The following TEAD1 variants were observed in gnomAD, a reference collection of about 807,000 sequenced individuals.
The protein encoded by TEAD1 is TEA domain transcription factor 1.
TEAD1 carries 9 observed loss-of-function variants against 54.9 expected under a neutral mutation model. That is an observed-to-expected ratio of 0.16 (90% CI 0.10 to 0.29). The LOEUF (loss-of-function observed/expected upper bound fraction) is 0.29. Among genes scored for constraint, TEAD1 ranks in the 10% least tolerant of loss-of-function variants. The probability of loss-of-function intolerance (pLI) is 1.00; values close to 1 mark genes in which losing one functional copy is unlikely to be tolerated. For synonymous variants in TEAD1, 200 were observed against 187.8 expected (o/e 1.07, Z -0.53); for missense variants, 387 against 535.9 (o/e 0.72, Z 2.74).
chr11:12,852,129 A>G (rs984948652), intron 3 of TEAD1, among the ~76,000 whole-genome samples: 1 of 152,230 alleles, frequency 6.6e-6, no homozygotes, highest in South Asian at 2.1e-4. Context: ...CCACAAAGGC[A>G]TGGAGGTATC....
chr11:12,780,412 T>C (rs940928351), intron 3 of TEAD1, among the ~76,000 whole-genome samples: 1 of 151,820 alleles, frequency 6.6e-6, no homozygotes, highest in Non-Finnish European at 1.5e-5. Flanking sequence ...CCCAGCTAAG[T>C]TTTGTATTTT....
chr11:12,915,839 G>A (rs1408800830), intron 10 of TEAD1, among the ~76,000 whole-genome samples: 1 of 152,160 alleles, frequency 6.6e-6, no homozygotes, highest in Non-Finnish European at 1.5e-5. Context: ...GTGAGACTCT[G>A]TCTCAGAAAA....
At chr11:12,779,092 T>C (rs1945491672) in intron 3 of TEAD1, among the ~76,000 whole-genome samples, 1 of 152,144 alleles carries the variant, frequency 6.6e-6, no homozygotes, top group Non-Finnish European at 1.5e-5. Flanking sequence ...TTATTTGAGA[T>C]GTTTCTAAGT....
At chr11:12,768,946 A>G (rs1248386998) in intron 3 of TEAD1, among the ~76,000 whole-genome samples, 1 of 152,140 alleles carries the variant, frequency 6.6e-6, no homozygotes, top group Non-Finnish European at 1.5e-5. Context: ...GCAGGAAGAA[A>G]TCATCTCAAA....
chr11:12,759,232 T>C (rs1391840923), intron 2 of TEAD1, among the ~76,000 whole-genome samples: 1 of 152,176 alleles, frequency 6.6e-6, no homozygotes, highest in Non-Finnish European at 1.5e-5. Context: ...TCATCTCTTG[T>C]TGGATAGAGT....
intron 2 of TEAD1, among the ~76,000 whole-genome samples, chr11:12,719,027 C>T (rs1944123877): frequency 6.6e-6 from 1 of 151,444 alleles, no homozygotes; most frequent in Non-Finnish European, 1.5e-5. Context: ...CAAGGGTCTT[C>T]TGAACAACGC....
chr11:12,910,986 A>T lies in TEAD1; in HGVS notation c.873+8873A>T, dbSNP rs541698949. Reference sequence around the variant, plus strand: ...GGTCTTGAACTCCTGACCTCAGGTGATCCACCCGCCTTGGCCTCCCAAAGT... The same window carrying T: ...GGTCTTGAACTCCTGACCTCAGGTGTTCCACCCGCCTTGGCCTCCCAAAGT... On this transcript the variant is annotated intron_variant, in intron 10 of 12. Transcript: ENST00000527636. Among the ~76,000 whole-genome samples, 5 of 152,288 alleles carry T rather than the reference A, an allele frequency of 3.3e-5. No homozygotes were observed. The East Asian group carries it at 9.7e-4, about 29-fold the overall frequency.
chr11:12,704,402 T>C (rs1193563681), intron 2 of TEAD1, among the ~76,000 whole-genome samples: 1 of 152,246 alleles, frequency 6.6e-6, no homozygotes, highest in Non-Finnish European at 1.5e-5. Flanking sequence ...CATGTTCTTC[T>C]GTCTCAGCCA....
intron 10 of TEAD1, among the ~76,000 whole-genome samples, chr11:12,922,020 C>G (rs111776996): frequency 6.6e-6 from 1 of 151,958 alleles, no homozygotes; most frequent in African/African-American, 2.4e-5. Flanking sequence ...AACATAAAAC[C>G]GGATAAGTAC....
At chr11:12,752,828 A>G (rs1200775872) in intron 2 of TEAD1, among the ~76,000 whole-genome samples, 1 of 147,510 alleles carries the variant, frequency 6.8e-6, no homozygotes, top group African/African-American at 2.6e-5. Flanking sequence ...ATACCATTCT[A>G]TTTTATGAAT....
In TEAD1 at chr11:12,699,751, A is replaced by T. The variant is rs181288352; in HGVS notation, c.-55+24190A>T. The stretch of plus-strand genomic sequence containing the variant: ...ATAGATGCCCAATACATATTTGTTG[A>T]ATGAATGAAATTTCGGTAACCAGAG... On this transcript the variant is annotated intron_variant, in intron 2 of 12. Coordinates refer to ENST00000527636, the MANE Select transcript of TEAD1 (RefSeq NM_021961.6). Among the ~76,000 whole-genome samples the T allele has an allele frequency of 2.4e-3, 364 of 152,356 alleles. 4 individuals are homozygous for T. In the Middle Eastern group the frequency reaches 0.048, roughly 20 times the overall value.
At chr11:12,745,624 C>G (rs1590108145) in intron 2 of TEAD1, among the ~76,000 whole-genome samples, 2 of 135,832 alleles carry the variant, frequency 1.5e-5, no homozygotes, top group African/African-American at 5.7e-5. Context: ...GCAGTGGAGT[C>G]TTGTTCAGAA....
intron 3 of TEAD1, among the ~76,000 whole-genome samples, chr11:12,855,791 AT>A (rs57100867): frequency 2.0e-5 from 3 of 151,750 alleles, no homozygotes; most frequent in African/African-American, 7.3e-5. Context: ...CAAAAAAAAA[AT>A]TTAAGAATTA....
intron 2 of TEAD1, among the ~76,000 whole-genome samples, chr11:12,699,902 T>C (rs1943661956): frequency 6.6e-6 from 1 of 152,226 alleles, no homozygotes; most frequent in African/African-American, 2.4e-5. Context: ...TTCTCTGCCA[T>C]TGAATTGAGG....
chr11:12,772,185 A>G lies in TEAD1; in HGVS notation c.202+7751A>G, dbSNP rs547133419. 1.2e-3 allele frequency among the ~76,000 whole-genome samples: 176 copies of G among 152,296 alleles called. 1 individual carries two copies. Among genetic ancestry groups the G allele is most frequent in the Middle Eastern group, 3.4e-3 (1 of 294 alleles). On this transcript the variant is annotated intron_variant, in intron 3 of 12. Transcript: ENST00000527636. ...TAGTTTCATTCTTCAGTTTATGTTC[A>G]CTTTCTACCTAGAGGGAACATTACC...
rs114893895 is a variant in TEAD1, at chr11:12,714,599, T to C, written c.-55+39038T>C. Among the ~76,000 whole-genome samples the C allele has an allele frequency of 7.9e-3, 1,210 of 152,284 alleles. 20 individuals are homozygous for C. Among genetic ancestry groups the C allele is most frequent in the African/African-American group, 0.028 (1,158 of 41,560 alleles). ...AAATAGGCATGGACTCATCCCTCTT[T>C]CATTCATTTATTTAGTCATTCATTC... On this transcript the variant is annotated intron_variant, in intron 2 of 12. Transcript: ENST00000527636.
intron 3 of TEAD1, among the ~76,000 whole-genome samples, chr11:12,775,710 A>G (rs1171830302): frequency 1.3e-5 from 2 of 152,216 alleles, no homozygotes; most frequent in Non-Finnish European, 2.9e-5. Context: ...GGAGGAATTT[A>G]CAGTCTACTA....
At chr11:12,759,988 G>T (rs1945069205) in intron 2 of TEAD1, among the ~76,000 whole-genome samples, 1 of 152,232 alleles carries the variant, frequency 6.6e-6, no homozygotes, top group Admixed American at 6.5e-5. Context: ...TTGAACCCGT[G>T]AATAAATTCA....
chr11:12,840,758 T>C (rs946860845), intron 3 of TEAD1, among the ~76,000 whole-genome samples: 2 of 152,198 alleles, frequency 1.3e-5, no homozygotes, highest in Non-Finnish European at 2.9e-5. Context: ...GAAGTTTATA[T>C]GCAAATGGTG....
Sources: allele counts gnomAD v4.1 joint callset (sites outside exome capture counted in the v4.1 genomes callset), GRCh38; gene constraint gnomAD v4.1.1; transcripts MANE v1.5; gene names NCBI Gene and HGNC (gene_info 2026-07-23, HGNC 2026-07-21).